The following CACNA1A variants were observed in gnomAD, a reference collection of about 807,000 sequenced individuals.
CACNA1A encodes voltage-dependent P/Q-type calcium channel subunit alpha-1A.
A neutral mutation model predicts 262.4 loss-of-function variants in CACNA1A; 57 were observed. The ratio of observed to expected loss-of-function variants is 0.22; its 90% confidence interval spans 0.18 to 0.27. The LOEUF (loss-of-function observed/expected upper bound fraction) is 0.27, where lower values mean the gene tolerates loss of function less well. Ranked by LOEUF, CACNA1A falls within the 10% of genes least tolerant of loss-of-function variation. The pLI is 1.00. For synonymous variants in CACNA1A, 1,431 were observed against 1,419.3 expected (o/e 1.01, Z -0.18); for missense variants, 2,526 against 3,562.8 (o/e 0.71, Z 7.41).
rs1983050857 is a variant in CACNA1A, at chr19:13,506,393, G to A, written c.-169C>T. Reference sequence around the variant, plus strand: ...CCAGCCCATCGGGCGGCGGCGGCTCGGCGCCTCGGGTCGGGGGCTCAGAAG... The same window carrying A: ...CCAGCCCATCGGGCGGCGGCGGCTCAGCGCCTCGGGTCGGGGGCTCAGAAG... On this transcript the variant is annotated 5_prime_UTR_variant, in exon 1 of 47. Transcript: ENST00000360228. 2 of 478,370 alleles carry A rather than the reference G, an allele frequency of 4.2e-6. No individual in the cohort carries two copies. The highest frequency in any genetic ancestry group is 6.7e-6 in the Non-Finnish European group (2 of 299,714). The allele number at this position is 478,370 out of a possible 1,614,324, so 29.6% of individuals were successfully genotyped here.
chr19:13,354,791 C>G (rs1330230983), intron 6 of CACNA1A, among the ~76,000 whole-genome samples: 1 of 151,648 alleles, frequency 6.6e-6, no homozygotes, highest in Non-Finnish European at 1.5e-5. Flanking sequence ...AGGGTAGGTT[C>G]TGATCCAATA....
In CACNA1A at chr19:13,308,472, G is replaced by T. The variant is rs1463775003; in HGVS notation, c.1725C>A (p.Ser575=). 3 of 1,613,554 alleles carry T rather than the reference G, an allele frequency of 1.9e-6. No individual in the cohort carries two copies. Among genetic ancestry groups the T allele is most frequent in the Non-Finnish European group, 2.5e-6 (3 of 1,179,762 alleles). The stretch of plus-strand genomic sequence containing the variant: ...GGGCTCGTAACACGCTGATTCCAAA[G>T]GATGTGCCAGGTTTTATGACAGCCC... ...VIWAVIKPGT[S]FGISVLRALR... is the part of the protein sequence containing the mutation. Residue 575 remains serine (S), a synonymous_variant, in exon 13 of 47, where the codon TCC becomes TCA. Coordinates refer to ENST00000360228, the MANE Select transcript of CACNA1A (RefSeq NM_001127222.2). The surrounding 1 kb of genome is among the most constrained non-coding windows in gnomAD (Gnocchi z 4.2).
At chr19:13,469,479 TTTTTTTTTTG>T (rs2061312868) in intron 1 of CACNA1A, among the ~76,000 whole-genome samples, 1 of 145,594 alleles carries the variant, frequency 6.9e-6, no homozygotes, top group Non-Finnish European at 1.5e-5. Context: ...TTTTTTTTTT[TTTTTTTTTTG>T]AGACGGAGTC....
At chr19:13,261,265 G>T in intron 26 of CACNA1A, 185 bp downstream of exon 26, 1 of 564,104 alleles carries the variant, frequency 1.8e-6, no homozygotes. Context: ...CTGTGGCTCT[G>T]GGTGGTGACT....
chr19:13,501,858 T>G (rs2145175299), intron 1 of CACNA1A, among the ~76,000 whole-genome samples: 1 of 152,352 alleles, frequency 6.6e-6, no homozygotes, highest in South Asian at 2.1e-4. Flanking sequence ...CTATATGAGC[T>G]CGTCTTTTGG....
chr19:13,234,826 G>A (rs2055819680), intron 34 of CACNA1A, 95 bp downstream of exon 34: 1 of 849,170 alleles, frequency 1.2e-6, no homozygotes, highest in Non-Finnish European at 2.0e-6. Context: ...GTCTTGCATT[G>A]GAAGAGGAGG....
rs2054833953 is a variant in CACNA1A at position 13,212,124 on chromosome 19, G to A, written c.6282C>T (p.Pro2094=). The A allele has an allele frequency of 6.2e-7, 1 of 1,612,722 alleles. No individual in the cohort carries two copies. The highest frequency in any genetic ancestry group is 1.7e-5 in the Admixed American group (1 of 59,986). Reference sequence around the variant, plus strand: ...TCACCTGGTTCTCTGCAGGGAGGCGGGGCATGGAGGCAGCCCGGCCCTGGC... The same window carrying A: ...TCACCTGGTTCTCTGCAGGGAGGCGAGGCATGGAGGCAGCCCGGCCCTGGC... ...MEGQGRAASM[P]RLPAENQRRR... is the part of the protein sequence containing the mutation. Residue 2094 remains proline, a synonymous_variant, in exon 43 of 47, where the codon CCC becomes CCT. Coordinates refer to ENST00000360228, the MANE Select transcript of CACNA1A (RefSeq NM_001127222.2). The surrounding 1 kb of genome is among the most constrained non-coding windows in gnomAD (Gnocchi z 5.6).
At chr19:13,322,628 C>G (rs2145078190) in intron 10 of CACNA1A, among the ~76,000 whole-genome samples, 1 of 151,526 alleles carries the variant, frequency 6.6e-6, no homozygotes, top group African/African-American at 2.4e-5. Context: ...TGGAGTCTCA[C>G]TCTGTCACCC....
At chr19:13,464,292 G>C (rs1051170765) in intron 1 of CACNA1A, among the ~76,000 whole-genome samples, 1 of 152,086 alleles carries the variant, frequency 6.6e-6, no homozygotes, top group Admixed American at 6.6e-5. Context: ...CTAGCTACTC[G>C]AGAGACTGAG....
intron 1 of CACNA1A, among the ~76,000 whole-genome samples, chr19:13,457,203 G>GC (rs1228161258): frequency 6.6e-6 from 1 of 152,076 alleles, no homozygotes; most frequent in African/African-American, 2.4e-5. Flanking sequence ...AGTGAACCAT[G>GC]ACTGCACCAC....
intron 6 of CACNA1A, among the ~76,000 whole-genome samples, chr19:13,352,684 CA>C (rs1285443812): frequency 5.3e-5 from 8 of 152,230 alleles, no homozygotes; most frequent in Admixed American, 4.6e-4. Flanking sequence ...ATGCTGTTTC[CA>C]AAACATCTGC....
intron 6 of CACNA1A, among the ~76,000 whole-genome samples, chr19:13,352,348 G>T (rs1354013846): frequency 6.7e-6 from 1 of 148,856 alleles, no homozygotes; most frequent in East Asian, 2.0e-4. Context: ...TGAGCCAAGT[G>T]AGCCAAGATC....
chr19:13,473,401 A>T (rs2145045932), intron 1 of CACNA1A, among the ~76,000 whole-genome samples: 1 of 152,370 alleles, frequency 6.6e-6, no homozygotes, highest in South Asian at 2.1e-4. Flanking sequence ...AACTGGAAGA[A>T]TCAAGGAAGC....
chr19:13,499,444 G>A (rs1982085547), intron 1 of CACNA1A, among the ~76,000 whole-genome samples: 1 of 118,398 alleles, frequency 8.4e-6, no homozygotes, highest in Non-Finnish European at 1.7e-5. Context: ...CAGTCGCAGG[G>A]GGTGGTGGGG....
intron 18 of CACNA1A, 75 bp from the exon 19 acceptor site, chr19:13,299,428 C>A: frequency 8.0e-7 from 1 of 1,243,092 alleles, no homozygotes; most frequent in Admixed American, 1.7e-5. Flanking sequence ...GGCGAACCAA[C>A]CCACATCTCA....
chr19:13,298,581 G>T lies in CACNA1A; in HGVS notation c.3052C>A (p.Arg1018=), dbSNP rs772611976. The T allele has an allele frequency of 1.3e-6, 2 of 1,542,592 alleles. No homozygotes were observed. Among genetic ancestry groups the T allele is most frequent in the South Asian group, 2.4e-5 (2 of 83,726 alleles). Residue 1018 remains arginine, a synonymous_variant, in exon 19 of 47, where the codon CGG becomes AGG. Transcript: ENST00000360228. ...GAPATYEGDA[R]REDKERRHRR... is the part of the protein sequence containing the mutation. ...TGCCTCCGCTCCTTGTCCTCCCTCC[G>T]CGCGTCCCCCTCGTACGTGGCTGGA... is the stretch of plus-strand genomic sequence containing the variant.
chr19:13,230,995 T>TA (rs1257254859), intron 35 of CACNA1A, among the ~76,000 whole-genome samples: 1 of 131,218 alleles, frequency 7.6e-6, no homozygotes, highest in Non-Finnish European at 1.6e-5. Context: ...ATGTTTTTTT[T>TA]TTTTTTGTTT....
rs776664699 is a variant in CACNA1A, at chr19:13,212,529, G to A, written c.6051-7C>T. On this transcript the variant is annotated splice_region_variant and splice_polypyrimidine_tract_variant and intron_variant, in intron 41 of 46. Transcript: ENST00000360228. The surrounding 1 kb of genome is among the most constrained non-coding windows in gnomAD (Gnocchi z 5.6). Reference sequence around the variant, plus strand: ...GCCGCTTTCGTGAGCCATCCTGCATGGGGGACAGAGGCCGGGGTAGCAGTG... The same window carrying A: ...GCCGCTTTCGTGAGCCATCCTGCATAGGGGACAGAGGCCGGGGTAGCAGTG... 6.4e-7 allele frequency: 1 copy of A among 1,560,848 alleles called. No homozygotes were observed. Among genetic ancestry groups the A allele is most frequent in the Admixed American group, 1.9e-5 (1 of 52,072 alleles).
At chr19:13,439,575 T>G (rs144792382) in intron 3 of CACNA1A, among the ~76,000 whole-genome samples, 5,800 of 149,912 alleles carry the variant, frequency 0.039, 273 homozygotes, top group African/African-American at 0.11. Flanking sequence ...AATTTTTTTT[T>G]TTTTGTTTTG....
Sources: allele counts gnomAD v4.1 joint callset (sites outside exome capture counted in the v4.1 genomes callset), GRCh38; gene constraint gnomAD v4.1.1; non-coding constraint Gnocchi (gnomAD v3.1); transcripts MANE v1.5; gene names NCBI Gene and HGNC (gene_info 2026-07-23, HGNC 2026-07-21).